KIAA1755: variants seen among roughly 807,000 people sequenced by gnomAD.
The protein encoded by KIAA1755 is KIAA1755.
A neutral mutation model predicts 91.7 loss-of-function variants in KIAA1755; 68 were observed. The ratio of observed to expected loss-of-function variants is 0.74; its 90% CI spans 0.61 to 0.91. The LOEUF is 0.91. Ranked by LOEUF, KIAA1755 falls within the 40% of genes least tolerant of loss-of-function variation. The pLI is 0.00. For synonymous variants in KIAA1755, 610 were observed against 604.6 expected (o/e 1.01, Z -0.13); for missense variants, 1,535 against 1,494.4 (o/e 1.03, Z -0.45).
rs2075445084 is a variant in KIAA1755, at chr20:38,210,979, G to C, written c.*2063C>G. On this transcript the variant is annotated 3_prime_UTR_variant, in exon 14 of 14. Coordinates refer to ENST00000279024, the MANE Select transcript of KIAA1755 (RefSeq NM_001029864.2). ...GTGGAGGACTCAGGCCCCAGCCCCG[G>C]GTGTTCCCCAAATGCACCCCCACTT... 6.6e-6 allele frequency: 1 copy of C among 152,180 alleles called. No homozygotes were observed. Among genetic ancestry groups the C allele is most frequent in the Non-Finnish European group, 1.5e-5 (1 of 68,068 alleles). 9.4% of individuals were successfully genotyped at this position (152,180 alleles called of 1,614,324 possible).
intron 1 of KIAA1755, among the ~76,000 whole-genome samples, chr20:38,259,111 G>A (rs1209173533): frequency 6.6e-6 from 1 of 152,204 alleles, no homozygotes; most frequent in South Asian, 2.1e-4. Context: ...ATCTGTTGGA[G>A]ATAGCCGCAG....
At position 38,227,188 on chromosome 20, in the gene KIAA1755, G is replaced by A. The variant is rs770383851; in HGVS notation, c.2018C>T (p.Ala673Val). The A allele has an allele frequency of 6.2e-6, 10 of 1,613,782 alleles. No individual in the cohort carries two copies. The South Asian group carries it at 8.8e-5, about 14-fold the overall frequency. The change falls in exon 7 of 14, where the codon GCG becomes GTG. Residue 673 changes from alanine to valine, a missense_variant. Physicochemically the swap from Ala to Val is moderately conservative, Grantham distance 64 (BLOSUM62 0). Transcript: ENST00000279024. Reference protein sequence around the residue: ...RAILFLGEKEAALQLQTLPDV... With the variant: ...RAILFLGEKEVALQLQTLPDV... ...AGGTAATGTCTGCAGCTGGAGAGCC[G>A]CCTCCTTCTCCCCCAGGAAGAGAAT... is the stretch of plus-strand genomic sequence containing the variant.
Position 38,218,122 on chromosome 20 carries a change from C to T in KIAA1755, c.2679+122G>A, listed in dbSNP as rs2075584451. On this transcript the variant is annotated intron_variant, in intron 12 of 13. Transcript: ENST00000279024. ...GAACTCTGCAATCCAAGCTGGTTCC[C>T]TCACTGTCTCTGGAACTTTTCTTGC... 3 of 1,314,764 alleles carry T rather than the reference C, an allele frequency of 2.3e-6. No homozygotes were observed. In the East Asian group the frequency reaches 6.9e-5, roughly 30 times the overall value. The allele number at this position is 1,314,764 out of a possible 1,614,324, so 81.4% of individuals were successfully genotyped here. A position where few individuals can be genotyped will look rare whatever the true frequency, so the allele number is the denominator to read the frequency against.
chr20:38,243,370 T>A (rs2076101534), intron 2 of KIAA1755, among the ~76,000 whole-genome samples: 1 of 152,150 alleles, frequency 6.6e-6, no homozygotes, highest in African/African-American at 2.4e-5. Context: ...CCTTCATGAG[T>A]CTGTAGGTTT....
chr20:38,221,241 C>A (rs999425417), intron 10 of KIAA1755, among the ~76,000 whole-genome samples: 2 of 152,302 alleles, frequency 1.3e-5, no homozygotes, highest in South Asian at 4.1e-4. Context: ...GCAGAACAAA[C>A]GCCCACAGCA....
In KIAA1755 at chr20:38,241,921, G is replaced by C. The variant is rs2076076496; in HGVS notation, c.210C>G (p.Tyr70Ter). 1 of 1,611,100 alleles carries C rather than the reference G, an allele frequency of 6.2e-7. No homozygotes were observed. The highest frequency in any genetic ancestry group is 1.3e-5 in the African/African-American group (1 of 74,900). ...EQVREAACAP[Y>*]SHCLFLHEGW... is the part of the protein sequence containing the mutation. ...CCTCGTGTAAGAAGAGGCAGTGTGA[G>C]TAGGGAGCCTGTGGAGAGAAGGGGA... is the stretch of plus-strand genomic sequence containing the variant. Residue 70 changes from tyrosine to a stop codon, truncating the protein, a stop_gained, in exon 3 of 14, where the codon TAC becomes TAG. Coordinates refer to ENST00000279024, the MANE Select transcript of KIAA1755 (RefSeq NM_001029864.2). LOFTEE classifies it high-confidence loss of function.
intron 10 of KIAA1755, among the ~76,000 whole-genome samples, chr20:38,220,064 A>AACT (rs2075629668): frequency 6.6e-6 from 1 of 152,146 alleles, no homozygotes; most frequent in Non-Finnish European, 1.5e-5. Context: ...TTCTAGTAGG[A>AACT]GGCTCTGTGC....
At chr20:38,255,085 G>C (rs970700777) in intron 1 of KIAA1755, among the ~76,000 whole-genome samples, 2 of 152,004 alleles carry the variant, frequency 1.3e-5, no homozygotes, top group Non-Finnish European at 2.9e-5. Context: ...GCCGAGGCAG[G>C]AGAATTGCTT....
chr20:38,247,292 G>A (rs1044797581), intron 1 of KIAA1755, among the ~76,000 whole-genome samples: 2 of 151,100 alleles, frequency 1.3e-5, no homozygotes, highest in Admixed American at 6.6e-5. Context: ...GCTGCCCTCC[G>A]CCCCCGCCTC....
intron 1 of KIAA1755, among the ~76,000 whole-genome samples, chr20:38,256,114 T>G (rs1387872878): frequency 6.6e-6 from 1 of 152,234 alleles, no homozygotes; most frequent in East Asian, 1.9e-4. Flanking sequence ...ATGGTAGCAC[T>G]GGGGTATGAC....
Position 38,212,822 on chromosome 20 carries a change from C to T in KIAA1755, c.*220G>A, listed in dbSNP as rs2075470972. The T allele has an allele frequency of 4.1e-6, 2 of 489,860 alleles. No individual in the cohort carries two copies. The highest frequency in any genetic ancestry group is 3.4e-5 in the Admixed American group (1 of 29,306). 30.3% of individuals were successfully genotyped at this position (489,860 alleles called of 1,614,324 possible). A position where few individuals can be genotyped will look rare whatever the true frequency, so the allele number is the denominator to read the frequency against. On this transcript the variant is annotated 3_prime_UTR_variant, in exon 14 of 14. Transcript: ENST00000279024. ...CATTTATTGTGCCCTGGTTCTGACGCCCACTCTTGCTATTCTGCATGGGTG... is the reference window on the plus strand; with the variant it reads ...CATTTATTGTGCCCTGGTTCTGACGTCCACTCTTGCTATTCTGCATGGGTG...
At chr20:38,236,084 C>G (rs2075955765) in intron 4 of KIAA1755, among the ~76,000 whole-genome samples, 1 of 152,150 alleles carries the variant, frequency 6.6e-6, no homozygotes, top group East Asian at 1.9e-4. Context: ...GTGAAGTCAA[C>G]AGATTCTGAA....
chr20:38,216,734 CCT>C (rs1376177631), intron 13 of KIAA1755: 1 of 437,800 alleles, frequency 2.3e-6, no homozygotes, highest in Admixed American at 2.4e-5. Flanking sequence ...ACATTGGTTC[CCT>C]GTCATCAAAG....
intron 12 of KIAA1755, 162 bp downstream of exon 12, chr20:38,218,082 G>C: frequency 1.2e-6 from 1 of 814,966 alleles, no homozygotes; most frequent in Non-Finnish European, 1.9e-6. Context: ...CTCTGGGGGA[G>C]ATAACATCTC....
chr20:38,241,174 C>A lies in KIAA1755; in HGVS notation c.957G>T (p.Lys319Asn), dbSNP rs1239239057. The change falls in exon 3 of 14, where the codon AAG (lysine) becomes AAT (asparagine). Residue 319 changes from lysine (K) to asparagine (N), a missense_variant. Transcript: ENST00000279024. ...CATTGGCCTCTGAGAGAGGCAGTAT[C>A]TTTTGAAATAAGGGAGTTTCCTTAG... ...AGTKETPLFQ[K>N]ILPLSEANEG... is the part of the protein sequence containing the mutation. 1 of 1,614,068 alleles carries A rather than the reference C, an allele frequency of 6.2e-7. No homozygotes were observed. The highest frequency in any genetic ancestry group is 1.3e-5 in the African/African-American group (1 of 74,942).
intron 11 of KIAA1755, among the ~76,000 whole-genome samples, chr20:38,218,799 A>G (rs553373439): frequency 2.4e-4 from 36 of 152,294 alleles, no homozygotes; most frequent in African/African-American, 8.4e-4. Context: ...GCTGCAGAGG[A>G]AAGTCCATGG....
Position 38,217,423 on chromosome 20 carries a change from C to T in KIAA1755, c.2731G>A (p.Ala911Thr). 6.2e-7 allele frequency: 1 copy of T among 1,613,070 alleles called. No homozygotes were observed. Among genetic ancestry groups the T allele is most frequent in the Non-Finnish European group, 8.5e-7 (1 of 1,179,682 alleles). Residue 911 changes from alanine (A) to threonine (T), a missense_variant, in exon 13 of 14, where the codon GCT becomes ACT. Coordinates refer to ENST00000279024, the MANE Select transcript of KIAA1755 (RefSeq NM_001029864.2). ...GCCTCCCCAGCCCCTCTGGCTGTAG[C>T]TCCCAGCTGAGCGGCCTGCTTGGAC... ...ELSKQAAQLG[A>T]TARGAGEAER... is the part of the protein sequence containing the mutation.
chr20:38,234,719 C>T (rs895909633), intron 4 of KIAA1755, among the ~76,000 whole-genome samples: 9 of 152,186 alleles, frequency 5.9e-5, no homozygotes, highest in South Asian at 2.1e-4. Flanking sequence ...AGTAGTCATA[C>T]GATTAGTTCA....
intron 5 of KIAA1755, 47 bp from the exon 6 acceptor site, chr20:38,228,287 C>A (rs1233084348): frequency 8.8e-6 from 13 of 1,474,130 alleles, no homozygotes; most frequent in Non-Finnish European, 1.0e-5. Flanking sequence ...TGGCCTCGGA[C>A]AGGGGGCAGG....
Sources: gnomAD v4.1 joint callset for allele counts (sites outside exome capture counted in the v4.1 genomes callset) on GRCh38, gnomAD v4.1.1 for gene constraint, MANE v1.5 for transcripts, NCBI Gene and HGNC (gene_info 2026-07-23, HGNC 2026-07-21) for gene names.